The following GRAMD1B variants were observed in gnomAD, a reference collection of about 807,000 sequenced individuals.
GRAMD1B encodes the protein protein Aster-B.
A neutral mutation model predicts 99.7 loss-of-function variants in GRAMD1B; 37 were observed. The observed-to-expected ratio is 0.37, with a 90% CI of 0.29 to 0.49. The LOEUF is 0.49. GRAMD1B is among the 20% of genes least tolerant of loss of function. The pLI is 0.98. For missense variants in GRAMD1B, 888 were observed against 1,009.2 expected (o/e 0.88, Z 1.63); for synonymous variants, 427 against 387.6 (o/e 1.10, Z -1.19).
intron 11 of GRAMD1B, 51 bp from the exon 12 acceptor site, chr11:123,608,608 C>A (rs754111439): frequency 1.5e-5 from 24 of 1,560,246 alleles, no homozygotes; most frequent in Non-Finnish European, 2.1e-5. Context: ...CCCTGGGGCC[C>A]CCTCCCCCTC....
chr11:123,598,864 T>C, intron 7 of GRAMD1B: 10 of 1,379,928 alleles, frequency 7.2e-6, no homozygotes, highest in Non-Finnish European at 1.0e-5. Context: ...ACTCTATCTG[T>C]GTAATCCTGA....
rs566186319 is a variant in GRAMD1B at position 123,471,020 on chromosome 11, C to T, written c.375-9796C>T. On this transcript the variant is annotated intron_variant, in intron 1 of 19. Transcript: ENST00000635736. ...TTTAATTAATTTAAATTTATGTAGC[C>T]GCATGTGACGAGTGACCACATCGTT... Among the ~76,000 whole-genome samples the T allele has an allele frequency of 3.3e-5, 5 of 152,198 alleles. No individual in the cohort carries two copies. In the South Asian group the frequency reaches 6.2e-4, roughly 19 times the overall value.
chr11:123,362,179 AGTT>A (rs1221338158), intron 1 of GRAMD1B, among the ~76,000 whole-genome samples: 2 of 152,306 alleles, frequency 1.3e-5, no homozygotes, highest in East Asian at 3.9e-4. Context: ...GAATATCTCT[AGTT>A]GTTCATGAGC....
At chr11:123,381,712 A>G (rs1160219636) in intron 1 of GRAMD1B, among the ~76,000 whole-genome samples, 2 of 152,238 alleles carry the variant, frequency 1.3e-5, no homozygotes, top group African/African-American at 2.4e-5. Flanking sequence ...GAACAAATAC[A>G]TCAACGTGGT....
intron 1 of GRAMD1B, among the ~76,000 whole-genome samples, chr11:123,472,811 T>C (rs1951081372): frequency 6.6e-6 from 1 of 152,150 alleles, no homozygotes; most frequent in Non-Finnish European, 1.5e-5. Flanking sequence ...GTCTGCTCCT[T>C]ACCATACATG....
In GRAMD1B at chr11:123,554,525, CAAAAAAA is replaced by C. The variant is rs750680684; in HGVS notation, c.453-22828_453-22822del. The stretch of plus-strand genomic sequence containing the variant: ...GCAACATAGGGAGACCCCATCTTTA[CAAAAAAA>C]AAAAAAAAAAAAAGAAAGAAAGAAA... On this transcript the variant is annotated intron_variant, in intron 2 of 19. Transcript: ENST00000635736. 6.9e-3 allele frequency among the ~76,000 whole-genome samples: 598 copies of C among 86,538 alleles called. 6 individuals carry two copies. Among genetic ancestry groups the C allele is most frequent in the South Asian group, 0.035 (78 of 2,228 alleles). 56.8% of individuals were successfully genotyped at this position (86,538 alleles called of 152,430 possible). A position where few individuals can be genotyped will look rare whatever the true frequency, so the allele number is the denominator to read the frequency against.
chr11:123,619,758 A>T lies in GRAMD1B; in HGVS notation c.2544+534A>T, dbSNP rs373439870. Among the ~76,000 whole-genome samples, 11 of 152,322 alleles carry T rather than the reference A, an allele frequency of 7.2e-5. No individual in the cohort carries two copies. The East Asian group carries it at 1.9e-3, about 27-fold the overall frequency. Reference sequence around the variant, plus strand: ...AAAACTAGATCAACTATTTAGGCAAATCATCCTGAGGCAAAATCAATAATT... The same window carrying T: ...AAAACTAGATCAACTATTTAGGCAATTCATCCTGAGGCAAAATCAATAATT... On this transcript the variant is annotated intron_variant, in intron 19 of 19. Transcript: ENST00000635736.
intron 1 of GRAMD1B, among the ~76,000 whole-genome samples, chr11:123,466,435 G>GAAGAAAGAAAGAAAGAGA (rs1279702826): frequency 1.4e-5 from 2 of 141,020 alleles, no homozygotes; most frequent in Non-Finnish European, 3.0e-5. Context: ...AGAAAGAAAG[G>GAAGAAAGAAAGAAAGAGA]AAGAAAGAAA....
intron 9 of GRAMD1B, among the ~76,000 whole-genome samples, chr11:123,604,138 C>G (rs529535732): frequency 6.6e-6 from 1 of 152,142 alleles, no homozygotes; most frequent in Non-Finnish European, 1.5e-5. Context: ...ATTGAGATGC[C>G]TGTTAGCTAA....
intron 4 of GRAMD1B, among the ~76,000 whole-genome samples, chr11:123,593,876 C>T (rs990137879): frequency 6.6e-6 from 1 of 152,118 alleles, no homozygotes; most frequent in Non-Finnish European, 1.5e-5. Flanking sequence ...GCCCTGGCTG[C>T]ATAGTGTTTC....
chr11:123,444,584 A>T (rs1160401912), intron 1 of GRAMD1B, among the ~76,000 whole-genome samples: 4 of 151,922 alleles, frequency 2.6e-5, no homozygotes, highest in African/African-American at 7.3e-5. Context: ...CCATGGCCCG[A>T]ATTAGTTTTT....
chr11:123,399,820 A>G (rs545315773), intron 1 of GRAMD1B, among the ~76,000 whole-genome samples: 86 of 152,140 alleles, frequency 5.7e-4, no homozygotes, highest in Admixed American at 2.2e-3. Flanking sequence ...GGGTTTTGCC[A>G]TGTTGGCCAG....
rs113557551 is a variant in GRAMD1B, at chr11:123,484,793, C to T, written c.452+3900C>T. On this transcript the variant is annotated intron_variant, in intron 2 of 19. Transcript: ENST00000635736. ...CCTTCTCCTGGAGAGAACAAGTTTC[C>T]GGAGCTCAAATTAGTCTCCCAGGCT... Among the ~76,000 whole-genome samples the T allele has an allele frequency of 8.6e-3, 1,302 of 152,198 alleles. 11 individuals are homozygous for T. Among genetic ancestry groups the T allele is most frequent in the Non-Finnish European group, 0.011 (758 of 68,016 alleles).
intron 1 of GRAMD1B, among the ~76,000 whole-genome samples, chr11:123,444,725 T>C (rs1345166701): frequency 6.6e-6 from 1 of 152,088 alleles, no homozygotes; most frequent in Non-Finnish European, 1.5e-5. Flanking sequence ...TCTCCCGTGT[T>C]CACCCTGGAC....
upstream of GRAMD1B, among the ~76,000 whole-genome samples, chr11:123,428,517 C>T (rs1052910629): frequency 2.6e-5 from 4 of 152,300 alleles, no homozygotes; most frequent in South Asian, 6.2e-4. Flanking sequence ...GCTCTTCAGC[C>T]GCAGTATCTC....
At chr11:123,370,513 T>C (rs1424187068) in intron 1 of GRAMD1B, among the ~76,000 whole-genome samples, 1 of 151,850 alleles carries the variant, frequency 6.6e-6, no homozygotes, top group Non-Finnish European at 1.5e-5. Context: ...GCTAAGTTTT[T>C]GTATTTTTGC....
chr11:123,537,955 A>G (rs1273593580), intron 2 of GRAMD1B, among the ~76,000 whole-genome samples: 1 of 152,202 alleles, frequency 6.6e-6, no homozygotes, highest in Non-Finnish European at 1.5e-5. Context: ...TTCTAGGCAT[A>G]AGTTAGGACA....
chr11:123,565,150 C>T (rs1200697712), intron 2 of GRAMD1B, among the ~76,000 whole-genome samples: 1 of 151,986 alleles, frequency 6.6e-6, no homozygotes, highest in African/African-American at 2.4e-5. Context: ...CTTCCTGCCC[C>T]AACCCCTGAA....
At chr11:123,605,272 C>T in intron 9 of GRAMD1B, 50 bp from the exon 10 acceptor site, 2 of 1,335,442 alleles carry the variant, frequency 1.5e-6, no homozygotes, top group East Asian at 2.5e-5. Context: ...GAATAGTTGG[C>T]CATCTTGAAC....
Sources: gnomAD v4.1 joint callset for allele counts (sites outside exome capture counted in the v4.1 genomes callset) on GRCh38, gnomAD v4.1.1 for gene constraint, MANE v1.5 for transcripts, NCBI Gene and HGNC (gene_info 2026-07-23, HGNC 2026-07-21) for gene names.